The following CHD7 variants were observed in gnomAD, a reference collection of about 807,000 sequenced individuals.
CHD7 encodes the protein chromodomain helicase DNA binding protein 7.
In CHD7, 24 loss-of-function variants were observed where a neutral mutation model predicts 307.3. The observed-to-expected ratio is 0.08, with a 90% CI of 0.06 to 0.11. The LOEUF (loss-of-function observed/expected upper bound fraction) is 0.11. Among genes scored for constraint, CHD7 ranks in the 10% least tolerant of loss-of-function variants. The pLI, the probability that CHD7 is intolerant of heterozygous loss-of-function variation, is 1.00. For missense variants in CHD7, 3,106 were observed against 3,727.1 expected (o/e 0.83, Z 4.34); for synonymous variants, 1,363 against 1,349.9 (o/e 1.01, Z -0.21).
Position 60,681,876 on chromosome 8 carries a change from T to G in CHD7, c.-175+2794T>G, listed in dbSNP as rs191473383. ...TCTATGCTTTCGCGATTGAAATGAG[T>G]TTTCAGATAAGAAATGAATTATAAT... is the stretch of plus-strand genomic sequence containing the variant. On this transcript the variant is annotated intron_variant, in intron 1 of 37. Coordinates refer to ENST00000423902, the MANE Select transcript of CHD7 (RefSeq NM_017780.4). Among the ~76,000 whole-genome samples, 619 of 152,116 alleles carry G rather than the reference T, an allele frequency of 4.1e-3. 5 individuals are homozygous for G. Among genetic ancestry groups the G allele is most frequent in the African/African-American group, 0.014 (571 of 41,416 alleles).
At chr8:60,864,160 G>A (rs1200497120) in intron 37 of CHD7, 3 of 152,014 alleles carry the variant, frequency 2.0e-5, no homozygotes, top group East Asian at 3.9e-4. Flanking sequence ...CACCCAGGCT[G>A]GAGTGCAATG....
chr8:60,856,909 G>A, intron 34 of CHD7, 21 bp downstream of exon 34: 2 of 1,524,430 alleles, frequency 1.3e-6, no homozygotes, highest in Non-Finnish European at 1.8e-6. Flanking sequence ...GAGCTTGCCT[G>A]CATGGCGATT....
In CHD7 at chr8:60,835,032, T is replaced by G. The variant is rs116630678; in HGVS notation, c.3779-1041T>G. ...GTTAAAGTCTAGGAAACAATCCCAT[T>G]AAGATGAATGTGTGTGTTTGTATTT... On this transcript the variant is annotated intron_variant, in intron 15 of 37. Coordinates refer to ENST00000423902, the MANE Select transcript of CHD7 (RefSeq NM_017780.4). 6.4e-3 allele frequency among the ~76,000 whole-genome samples: 976 copies of G among 152,324 alleles called. 17 individuals are homozygous for G. The highest frequency in any genetic ancestry group is 0.022 in the African/African-American group (910 of 41,564).
At chr8:60,851,492 A>G (rs1805454626) in intron 28 of CHD7, among the ~76,000 whole-genome samples, 173 bp downstream of exon 28, 1 of 152,190 alleles carries the variant, frequency 6.6e-6, no homozygotes, top group Admixed American at 6.5e-5. Context: ...TTTTCATGAC[A>G]TTGAATTTCT....
chr8:60,734,289 G>C (rs2150566770), intron 1 of CHD7, among the ~76,000 whole-genome samples: 1 of 152,270 alleles, frequency 6.6e-6, no homozygotes, highest in East Asian at 1.9e-4. Flanking sequence ...GCAGATTCTG[G>C]TGCAGGAGGT....
intron 28 of CHD7, 122 bp from the exon 29 acceptor site, chr8:60,851,897 G>A: frequency 5.0e-6 from 3 of 602,866 alleles, no homozygotes; most frequent in Non-Finnish European, 8.7e-6. Context: ...AAAAATGAGG[G>A]CACTGAGATG....
chr8:60,800,082 G>A (rs949458251), intron 4 of CHD7, among the ~76,000 whole-genome samples: 4 of 151,388 alleles, frequency 2.6e-5, no homozygotes, highest in African/African-American at 7.3e-5. Flanking sequence ...CCAGACTGCA[G>A]TGCAGTGGCG....
intron 15 of CHD7, among the ~76,000 whole-genome samples, chr8:60,834,439 CTGTTT>C (rs1248148112): frequency 4.6e-5 from 7 of 152,308 alleles, no homozygotes; most frequent in Admixed American, 3.9e-4. Context: ...GCACTTAAAT[CTGTTT>C]CCCCTGTCTC....
chr8:60,844,061 G>A (rs903022845), intron 21 of CHD7, among the ~76,000 whole-genome samples: 8 of 152,234 alleles, frequency 5.3e-5, no homozygotes, highest in African/African-American at 1.9e-4. Flanking sequence ...GGCTCAGTCT[G>A]CTGTCGCCTG....
intron 1 of CHD7, among the ~76,000 whole-genome samples, chr8:60,694,096 A>G (rs1052935466): frequency 1.3e-5 from 2 of 152,280 alleles, no homozygotes; most frequent in East Asian, 3.8e-4. Flanking sequence ...AAAGACAAGG[A>G]AGGAATTCAA....
chr8:60,815,972 G>A (rs944587465), intron 7 of CHD7, among the ~76,000 whole-genome samples: 18 of 152,188 alleles, frequency 1.2e-4, no homozygotes, highest in Non-Finnish European at 2.4e-4. Flanking sequence ...TCAATGATAA[G>A]AGGTTCAAAG....
In CHD7 at chr8:60,800,567, A is replaced by ATGGACT. The variant is rs5891777; in HGVS notation, c.2376+43_2376+48dup. 0.78 allele frequency: 1,202,682 copies of ATGGACT among 1,550,796 alleles called. 469,561 individuals carry two copies. Among genetic ancestry groups the ATGGACT allele is most frequent in the East Asian group, 0.95 (41,503 of 43,768 alleles). ...TGGGATTTATGGATGCATTTTAAAG[A>ATGGACT]TGGACTAGAAATTTCATTGCTGCAA... On this transcript the variant is annotated intron_variant, in intron 5 of 37. Coordinates refer to ENST00000423902, the MANE Select transcript of CHD7 (RefSeq NM_017780.4).
At chr8:60,794,924 A>G in intron 3 of CHD7, 62 bp from the exon 4 acceptor site, 2 of 1,460,652 alleles carry the variant, frequency 1.4e-6, no homozygotes, top group Non-Finnish European at 1.9e-6. Context: ...AATGTGGGAA[A>G]TATAAGAGAC....
intron 13 of CHD7, among the ~76,000 whole-genome samples, chr8:60,828,408 A>T (rs1317898185): frequency 1.3e-5 from 2 of 152,298 alleles, no homozygotes; most frequent in East Asian, 3.9e-4. Context: ...TAAAATACTG[A>T]CCTATAACCC....
In CHD7 at chr8:60,774,060, C is replaced by G. The variant is rs529091512; in HGVS notation, c.1666-6940C>G. On this transcript the variant is annotated intron_variant, in intron 2 of 37. Transcript: ENST00000423902. ...TTGGAGAAGGACAGCAGTCTACTCC[C>G]TAGGCTTGTGCTGTGGCTACAACTA... Among the ~76,000 whole-genome samples, 7 of 152,260 alleles carry G rather than the reference C, an allele frequency of 4.6e-5. 1 individual carries two copies. Among genetic ancestry groups the G allele is most frequent in the South Asian group, 4.1e-4 (2 of 4,832 alleles).
chr8:60,743,408 C>G (rs1020058139), intron 2 of CHD7, among the ~76,000 whole-genome samples: 6 of 152,196 alleles, frequency 3.9e-5, no homozygotes, highest in African/African-American at 1.4e-4. Flanking sequence ...GTTTCCTTCT[C>G]TCAATTCTTC....
chr8:60,855,980 A>G lies in CHD7; in HGVS notation c.6942A>G (p.Arg2314=), dbSNP rs1805682790. The G allele has an allele frequency of 6.2e-7, 1 of 1,602,824 alleles. No homozygotes were observed. Among genetic ancestry groups the G allele is most frequent in the Middle Eastern group, 1.7e-4 (1 of 6,054 alleles). Residue 2314 remains arginine, a synonymous_variant, in exon 33 of 38, where the codon AGA becomes AGG. Transcript: ENST00000423902. ...GACTTTTCTTCTCCCTCCAGGATAG[A>G]GTAATGATAAACCGCTTAGACAACA... ...TFAFSFWPKD[R]VMINRLDNIC... is the part of the protein sequence containing the mutation.
At chr8:60,860,566 C>T (rs946265842) in intron 34 of CHD7, among the ~76,000 whole-genome samples, 2 of 152,238 alleles carry the variant, frequency 1.3e-5, no homozygotes, top group African/African-American at 4.8e-5. Context: ...TCCCAGGTAG[C>T]TGGGATTACA....
intron 13 of CHD7, 37 bp from the exon 14 acceptor site, chr8:60,828,626 T>TA (rs1360816389): frequency 6.4e-7 from 1 of 1,568,712 alleles, no homozygotes; most frequent in East Asian, 2.3e-5. Flanking sequence ...GTGTTTTTGT[T>TA]ACAATTTGGT....
Sources: allele counts gnomAD v4.1 joint callset (sites outside exome capture counted in the v4.1 genomes callset), GRCh38; gene constraint gnomAD v4.1.1; transcripts MANE v1.5; gene names NCBI Gene and HGNC (gene_info 2026-07-23, HGNC 2026-07-21).